The following CCSER1 variants were observed in gnomAD, a reference collection of about 807,000 sequenced individuals.
CCSER1 encodes serine-rich coiled-coil domain-containing protein 1.
In CCSER1, 41 loss-of-function variants were observed where a neutral mutation model predicts 82.0. The ratio of observed to expected loss-of-function variants is 0.50; its 90% confidence interval spans 0.39 to 0.65. CCSER1 has a LOEUF of 0.65. Among genes scored for constraint, CCSER1 ranks in the 30% least tolerant of loss-of-function variants. The pLI is 0.00. For missense variants in CCSER1, 1,119 were observed against 1,064.2 expected (o/e 1.05, Z -0.72); for synonymous variants, 414 against 383.9 (o/e 1.08, Z -0.92).
intron 8 of CCSER1, among the ~76,000 whole-genome samples, chr4:90,894,031 G>A (rs1723344547): frequency 1.3e-5 from 2 of 151,922 alleles, no homozygotes; most frequent in Admixed American, 1.3e-4. Flanking sequence ...GAAAATAGAT[G>A]TTCTGAAATA....
At chr4:91,049,171 C>A (rs1742780747) in intron 9 of CCSER1, among the ~76,000 whole-genome samples, 1 of 152,076 alleles carries the variant, frequency 6.6e-6, no homozygotes, top group Admixed American at 6.5e-5. Flanking sequence ...ACAAAATAAG[C>A]AATGAAGATA....
intron 10 of CCSER1, among the ~76,000 whole-genome samples, chr4:91,587,952 ATATT>A (rs1376198711): frequency 4.6e-5 from 7 of 151,342 alleles, no homozygotes; most frequent in Middle Eastern, 3.4e-3. Flanking sequence ...AAAAATAAAA[ATATT>A]TATATTTTCA....
At chr4:91,173,811 A>G (rs1312498492) in intron 10 of CCSER1, among the ~76,000 whole-genome samples, 1 of 152,150 alleles carries the variant, frequency 6.6e-6, no homozygotes, top group Non-Finnish European at 1.5e-5. Context: ...TGAAAACAGA[A>G]GAACAAATGG....
intron 8 of CCSER1, among the ~76,000 whole-genome samples, chr4:90,838,348 T>C (rs1762073914): frequency 6.6e-6 from 1 of 151,728 alleles, no homozygotes; most frequent in Non-Finnish European, 1.5e-5. Context: ...TGTCTAATAA[T>C]TAAAATAAAT....
intron 8 of CCSER1, among the ~76,000 whole-genome samples, chr4:90,859,534 T>G (rs1330220074): frequency 1.3e-5 from 2 of 151,792 alleles, no homozygotes; most frequent in African/African-American, 4.8e-5. Flanking sequence ...GAATACTTGT[T>G]TATAGGATGA....
chr4:90,846,853 T>C (rs1763288089), intron 8 of CCSER1, among the ~76,000 whole-genome samples: 1 of 152,178 alleles, frequency 6.6e-6, no homozygotes, highest in Non-Finnish European at 1.5e-5. Context: ...TTCACCATGT[T>C]GGCCAGGATG....
intron 10 of CCSER1, among the ~76,000 whole-genome samples, chr4:91,176,809 A>T (rs897225041): frequency 8.5e-5 from 13 of 152,098 alleles, no homozygotes; most frequent in African/African-American, 2.9e-4. Context: ...AATACCCTTT[A>T]TTTCTTTCTC....
At chr4:91,213,193 G>A (rs960368206) in intron 10 of CCSER1, among the ~76,000 whole-genome samples, 3 of 151,884 alleles carry the variant, frequency 2.0e-5, no homozygotes, top group Admixed American at 6.6e-5. Context: ...AGATCATTAC[G>A]TCAAGTGAAT....
chr4:90,818,761 C>T (rs1759363778), intron 8 of CCSER1, among the ~76,000 whole-genome samples: 2 of 152,158 alleles, frequency 1.3e-5, no homozygotes, highest in Admixed American at 1.3e-4. Flanking sequence ...CCAAATGTCC[C>T]ATGGGGGCAA....
At chr4:91,165,974 ACC>A (rs1169446137) in intron 10 of CCSER1, among the ~76,000 whole-genome samples, 1 of 152,230 alleles carries the variant, frequency 6.6e-6, no homozygotes, top group East Asian at 1.9e-4. Context: ...TGAACCAGGT[ACC>A]TCAGTAGGAA....
intron 8 of CCSER1, among the ~76,000 whole-genome samples, chr4:90,911,929 G>C (rs1406910226): frequency 1.3e-5 from 2 of 152,206 alleles, no homozygotes; most frequent in Non-Finnish European, 2.9e-5. Flanking sequence ...GCGAGGCTGG[G>C]GGAGGGGCGC....
intron 10 of CCSER1, among the ~76,000 whole-genome samples, chr4:91,484,784 C>G (rs1158040404): frequency 6.6e-6 from 1 of 152,108 alleles, no homozygotes; most frequent in Non-Finnish European, 1.5e-5. Flanking sequence ...CACACAGGAA[C>G]CACTGAATCA....
At chr4:90,323,601 G>C (rs1057191688) in intron 3 of CCSER1, among the ~76,000 whole-genome samples, 1 of 152,182 alleles carries the variant, frequency 6.6e-6, no homozygotes, top group South Asian at 2.1e-4. Context: ...TTTTCTGTCT[G>C]TGCTGCCAGA....
rs28431250 is a variant in CCSER1, at chr4:91,258,277, C to A, written c.2217+172283C>A. On this transcript the variant is annotated intron_variant, in intron 10 of 10. Transcript: ENST00000509176. ...ATGCACTAAAAATTACTTAAGGCAA[C>A]CCTTTTAAAAACTGGATGGCTAATA... is the stretch of plus-strand genomic sequence containing the variant. 3.5e-3 allele frequency among the ~76,000 whole-genome samples: 531 copies of A among 152,026 alleles called. 4 individuals are homozygous for A. The highest frequency in any genetic ancestry group is 0.012 in the African/African-American group (516 of 41,504).
intron 10 of CCSER1, among the ~76,000 whole-genome samples, chr4:91,149,733 G>A (rs1398496957): frequency 6.6e-6 from 1 of 152,118 alleles, no homozygotes; most frequent in Non-Finnish European, 1.5e-5. Context: ...TTAAAAATAG[G>A]GAATCCTTTC....
rs139859323 is a variant in CCSER1, at chr4:90,495,834, C to A, written c.1724+27480C>A. ...AATAGATATTTCTATAATTATCAGG[C>A]CCCTGCAGCAATGCAATAGAATGGC... On this transcript the variant is annotated intron_variant, in intron 5 of 10. Coordinates refer to ENST00000509176, the MANE Select transcript of CCSER1 (RefSeq NM_001145065.2). 6.8e-4 allele frequency among the ~76,000 whole-genome samples: 104 copies of A among 152,160 alleles called. No homozygotes were observed. The East Asian group carries it at 0.01, about 15-fold the overall frequency.
intron 10 of CCSER1, among the ~76,000 whole-genome samples, chr4:91,432,853 A>G (rs1263547478): frequency 6.6e-6 from 1 of 152,046 alleles, no homozygotes; most frequent in Non-Finnish European, 1.5e-5. Flanking sequence ...TTTAAGTTAT[A>G]TTTTGTTTTA....
chr4:90,368,354 G>A (rs1009405565), intron 3 of CCSER1, among the ~76,000 whole-genome samples: 3 of 151,996 alleles, frequency 2.0e-5, no homozygotes, highest in South Asian at 2.1e-4. Flanking sequence ...AAGGGAATGC[G>A]GCTTGGCATG....
intron 10 of CCSER1, among the ~76,000 whole-genome samples, chr4:91,545,239 T>G (rs1032738285): frequency 3.9e-5 from 6 of 152,094 alleles, no homozygotes; most frequent in African/African-American, 1.4e-4. Context: ...GGCTTCCCTT[T>G]GCTAGCAAAG....
Sources: allele counts gnomAD v4.1 joint callset (sites outside exome capture counted in the v4.1 genomes callset), GRCh38; gene constraint gnomAD v4.1.1; transcripts MANE v1.5; gene names NCBI Gene and HGNC (gene_info 2026-07-23, HGNC 2026-07-21).